AGMO: variants seen among roughly 807,000 people sequenced by gnomAD.
AGMO encodes glyceryl-ether monooxygenase.
In AGMO, 75 loss-of-function variants were observed where a neutral mutation model predicts 60.2. That is an observed-to-expected ratio of 1.25 (90% confidence interval 1.03 to 1.51). The LOEUF (loss-of-function observed/expected upper bound fraction) is 1.51, where lower values mean the gene tolerates loss of function less well. AGMO is among the 40% of genes most tolerant of loss of function. The pLI is 0.00. For missense variants in AGMO, 763 were observed against 525.5 expected, an observed-to-expected ratio of 1.45 and a Z score of -4.42; for synonymous variants, 261 against 177.1, an observed-to-expected ratio of 1.47 and a Z score of -3.76.
At chr7:15,375,961 G>C (rs941770154) in intron 10 of AGMO, among the ~76,000 whole-genome samples, 1 of 152,042 alleles carries the variant, frequency 6.6e-6, no homozygotes, top group African/African-American at 2.4e-5. Flanking sequence ...TCTATTATTT[G>C]ATGCATATAC....
At chr7:15,561,501 C>T (rs867632258) in intron 1 of AGMO, among the ~76,000 whole-genome samples, 2 of 152,168 alleles carry the variant, frequency 1.3e-5, no homozygotes, top group African/African-American at 4.8e-5. Flanking sequence ...TCTGGAGTGA[C>T]ATATAAAAGA....
chr7:15,137,258 A>G, the AGMO span, among the ~76,000 whole-genome samples: 2 of 152,170 alleles, frequency 1.3e-5, no homozygotes, highest in Admixed American at 1.3e-4. Flanking sequence ...CAGTTCAGAA[A>G]CTTCTGAATG....
At chr7:15,213,504 T>C (rs1377029960) in intron 12 of AGMO, among the ~76,000 whole-genome samples, 1 of 151,906 alleles carries the variant, frequency 6.6e-6, no homozygotes, top group Non-Finnish European at 1.5e-5. Context: ...ATAAAAAGGA[T>C]ACATCAGAAA....
intron 12 of AGMO, among the ~76,000 whole-genome samples, chr7:15,205,889 T>A (rs1332988598): frequency 1.3e-5 from 2 of 152,064 alleles, no homozygotes. Context: ...ATCAGTGAGG[T>A]TTATAAAATA....
intron 12 of AGMO, among the ~76,000 whole-genome samples, chr7:15,269,427 A>G (rs1205158572): frequency 6.6e-6 from 1 of 152,042 alleles, no homozygotes; most frequent in African/African-American, 2.4e-5. Flanking sequence ...CCCGGTCCCA[A>G]TAGAATCAGA....
At chr7:15,175,748 A>G in the AGMO span, among the ~76,000 whole-genome samples, 6 of 151,974 alleles carry the variant, frequency 3.9e-5, no homozygotes, top group Admixed American at 2.0e-4. Flanking sequence ...TATAACTTTA[A>G]TTTACTTTAA....
chr7:15,160,378 C>G, the AGMO span, among the ~76,000 whole-genome samples: 6 of 152,014 alleles, frequency 3.9e-5, no homozygotes, highest in Non-Finnish European at 8.8e-5. Flanking sequence ...AGGCCTGTGT[C>G]TGATACAAAG....
At chr7:15,277,848 G>A (rs1256480579) in intron 12 of AGMO, among the ~76,000 whole-genome samples, 1 of 152,178 alleles carries the variant, frequency 6.6e-6, no homozygotes, top group Non-Finnish European at 1.5e-5. Flanking sequence ...GTCAGGCACA[G>A]CTGGCTAAAG....
intron 3 of AGMO, among the ~76,000 whole-genome samples, chr7:15,515,388 C>T (rs964302997): frequency 4.6e-5 from 7 of 152,278 alleles, no homozygotes; most frequent in Admixed American, 2.0e-4. Context: ...AGAACCCAAA[C>T]GGTTCCTTTC....
At chr7:15,134,053 C>T in the AGMO span, among the ~76,000 whole-genome samples, 1 of 152,072 alleles carries the variant, frequency 6.6e-6, no homozygotes. Flanking sequence ...ATTTTAGGTT[C>T]GGAGGTACGT....
chr7:15,367,299 C>G (rs1416106081), intron 10 of AGMO, among the ~76,000 whole-genome samples: 1 of 151,590 alleles, frequency 6.6e-6, no homozygotes, highest in Non-Finnish European at 1.5e-5. Flanking sequence ...ACATTTTTGT[C>G]AGAATTATAA....
At chr7:15,479,366 T>C (rs1401866917) in intron 3 of AGMO, among the ~76,000 whole-genome samples, 1 of 152,126 alleles carries the variant, frequency 6.6e-6, no homozygotes, top group Non-Finnish European at 1.5e-5. Flanking sequence ...AACTTAGAAA[T>C]GAAAAGATCT....
intron 3 of AGMO, among the ~76,000 whole-genome samples, chr7:15,501,176 G>A (rs1237180100): frequency 1.3e-5 from 2 of 151,976 alleles, no homozygotes; most frequent in African/African-American, 2.4e-5. Context: ...TGGCTGGAGC[G>A]TTCCATAAAT....
chr7:15,328,609 G>A lies in AGMO; in HGVS notation c.1263+36905C>T, dbSNP rs540393293. Among the ~76,000 whole-genome samples, 37 of 152,190 alleles carry A rather than the reference G, an allele frequency of 2.4e-4. 1 individual carries two copies. The South Asian group carries it at 7.5e-3, about 31-fold the overall frequency. ...TCTTATTTTGCTATGCCTCATGCCC[G>A]GAAGCAGCCATTAAGGGTTTCAGAG... is the stretch of plus-strand genomic sequence containing the variant. On this transcript the variant is annotated intron_variant, in intron 12 of 12. Coordinates refer to ENST00000342526, the MANE Select transcript of AGMO (RefSeq NM_001004320.2).
the AGMO span, among the ~76,000 whole-genome samples, chr7:15,148,192 T>A: frequency 2.0e-5 from 3 of 152,184 alleles, no homozygotes; most frequent in Non-Finnish European, 2.9e-5. Flanking sequence ...CTGCCTAAAG[T>A]ACATATTTTA....
chr7:15,165,361 A>G, the AGMO span, among the ~76,000 whole-genome samples: 105 of 152,246 alleles, frequency 6.9e-4, no homozygotes, highest in African/African-American at 2.4e-3. Flanking sequence ...ATACCTGCAC[A>G]TGTACTCCCT....
chr7:15,385,600 G>A, intron 9 of AGMO, 38 bp from the exon 10 acceptor site: 1 of 1,175,718 alleles, frequency 8.5e-7, no homozygotes, highest in Non-Finnish European at 1.3e-6. Flanking sequence ...TATTGCTCCA[G>A]ACTCATTTTT....
chr7:15,398,703 T>C (rs997381591), intron 5 of AGMO, among the ~76,000 whole-genome samples: 5 of 151,284 alleles, frequency 3.3e-5, no homozygotes, highest in Admixed American at 6.9e-5. Flanking sequence ...TAGAAGTTAT[T>C]TGTTTGTATT....
intron 12 of AGMO, among the ~76,000 whole-genome samples, chr7:15,205,931 C>T (rs961073027): frequency 6.6e-6 from 1 of 152,004 alleles, no homozygotes; most frequent in Admixed American, 6.6e-5. Context: ...CTAAAACAAT[C>T]GCAACAGTAA....
Sources: allele counts gnomAD v4.1 joint callset (sites outside exome capture counted in the v4.1 genomes callset), GRCh38; gene constraint gnomAD v4.1.1; transcripts MANE v1.5; gene names NCBI Gene and HGNC (gene_info 2026-07-23, HGNC 2026-07-21).